The following ANO1 variants were observed in gnomAD, a reference collection of about 807,000 sequenced individuals.
The protein encoded by ANO1 is anoctamin-1.
ANO1 carries 59 observed loss-of-function variants against 124.0 expected under a neutral mutation model. The ratio of observed to expected loss-of-function variants is 0.48; its 90% CI spans 0.39 to 0.59. The LOEUF is 0.59. Among genes scored for constraint, ANO1 ranks in the 20% least tolerant of loss-of-function variants. ANO1 has a pLI of 0.00. For synonymous variants in ANO1, 529 were observed against 532.0 expected (o/e 0.99, Z 0.08); for missense variants, 1,059 against 1,328.0 (o/e 0.80, Z 3.15).
chr11:70,111,683 C>G (rs2045786138), intron 6 of ANO1, 24 bp from the exon 7 acceptor site: 1 of 1,613,636 alleles, frequency 6.2e-7, no homozygotes, highest in Admixed American at 1.7e-5. Flanking sequence ...GCCCCATAAC[C>G]TTCTCTCTGC....
intron 1 of ANO1, among the ~76,000 whole-genome samples, chr11:70,044,132 T>C (rs527815766): frequency 1.3e-5 from 2 of 152,160 alleles, no homozygotes; most frequent in Non-Finnish European, 2.9e-5. Context: ...TATACCATTA[T>C]AAGTTTACAA....
intron 1 of ANO1, among the ~76,000 whole-genome samples, chr11:70,009,231 A>G (rs1856547371): frequency 6.6e-6 from 1 of 152,216 alleles, no homozygotes; most frequent in Non-Finnish European, 1.5e-5. Context: ...AGCACGAGCC[A>G]AGACTAGCTG....
At chr11:70,056,217 C>T (rs1857432480) in intron 1 of ANO1, 1 of 152,040 alleles carries the variant, frequency 6.6e-6, no homozygotes, top group Non-Finnish European at 1.5e-5. Context: ...GAAATGAATT[C>T]TCTTAGTTTC....
upstream of ANO1, among the ~76,000 whole-genome samples, chr11:69,982,014 G>T (rs1163600868): frequency 6.6e-6 from 1 of 152,176 alleles, no homozygotes; most frequent in African/African-American, 2.4e-5. Flanking sequence ...GCCAATGGTT[G>T]CCAGGGACTG....
intron 1 of ANO1, chr11:70,056,571 A>G (rs1372153622): frequency 2.6e-5 from 4 of 152,170 alleles, no homozygotes; most frequent in Non-Finnish European, 5.9e-5. Context: ...AATAAATAAA[A>G]AGCTATGGAT....
chr11:70,085,651 G>C (rs2044344435), intron 1 of ANO1: 7 of 1,514,024 alleles, frequency 4.6e-6, no homozygotes, highest in Non-Finnish European at 6.2e-6. Flanking sequence ...CTAGACCCTT[G>C]ACATCAACAC....
chr11:70,056,580 A>G (rs1425101802), intron 1 of ANO1: 2 of 152,140 alleles, frequency 1.3e-5, no homozygotes, highest in Non-Finnish European at 2.9e-5. Context: ...AAAGCTATGG[A>G]TTGAAAAGGA....
intron 10 of ANO1, 102 bp downstream of exon 10, chr11:70,126,297 TC>T: frequency 7.1e-7 from 1 of 1,400,442 alleles, no homozygotes; most frequent in Non-Finnish European, 9.5e-7. Flanking sequence ...TCACACCAAT[TC>T]CTGTACACAT....
At chr11:69,972,318 G>A in the ANO1 span, among the ~76,000 whole-genome samples, 5 of 151,954 alleles carry the variant, frequency 3.3e-5, no homozygotes, top group Non-Finnish European at 7.4e-5. Context: ...GCCGTGTGTG[G>A]CTAGACTGTC....
chr11:69,995,815 G>A (rs1315661866), intron 1 of ANO1, among the ~76,000 whole-genome samples: 1 of 152,132 alleles, frequency 6.6e-6, no homozygotes, highest in Non-Finnish European at 1.5e-5. Flanking sequence ...TTGAAGTACT[G>A]GAGATTTCAG....
chr11:69,974,425 T>C, the ANO1 span, among the ~76,000 whole-genome samples: 1 of 152,238 alleles, frequency 6.6e-6, no homozygotes, highest in Non-Finnish European at 1.5e-5. Flanking sequence ...ATGTTCTCCA[T>C]GACAAACCTT....
intron 1 of ANO1, among the ~76,000 whole-genome samples, chr11:69,991,175 A>C (rs371234193): frequency 1.3e-5 from 2 of 152,210 alleles, no homozygotes; most frequent in African/African-American, 2.4e-5. Context: ...ATTCCTCTGC[A>C]TGTGAATATC....
chr11:70,049,969 C>T (rs546033152), intron 1 of ANO1, among the ~76,000 whole-genome samples: 1 of 152,348 alleles, frequency 6.6e-6, no homozygotes, highest in Admixed American at 6.5e-5. Flanking sequence ...GATCCACCCG[C>T]CTTGGCCTCC....
chr11:70,080,760 G>A (rs1290879463), intron 1 of ANO1, among the ~76,000 whole-genome samples: 9 of 152,244 alleles, frequency 5.9e-5, no homozygotes, highest in Admixed American at 4.6e-4. Flanking sequence ...TGTTTTGTGA[G>A]CTTGGAAGGC....
At chr11:70,010,171 G>GTATATATATATATATATATATA (rs1460218173) in intron 1 of ANO1, among the ~76,000 whole-genome samples, 6 of 50,272 alleles carry the variant, frequency 1.2e-4, no homozygotes, top group Admixed American at 4.4e-4. Context: ...GTGTGCGCGT[G>GTATATATATATATATATATATA]TGTGTGTGTA....
intron 1 of ANO1, among the ~76,000 whole-genome samples, chr11:70,072,185 C>T (rs1857887820): frequency 6.6e-6 from 1 of 152,148 alleles, no homozygotes; most frequent in South Asian, 2.1e-4. Flanking sequence ...GACAATTCCT[C>T]CACTGCTGGT....
At chr11:70,035,356 G>C (rs960102089) in intron 1 of ANO1, among the ~76,000 whole-genome samples, 1 of 152,086 alleles carries the variant, frequency 6.6e-6, no homozygotes, top group South Asian at 2.1e-4. Context: ...CTGCGCTGGC[G>C]AACTTTTCAC....
At chr11:70,092,384 G>C (rs982731307) in intron 2 of ANO1, among the ~76,000 whole-genome samples, 2 of 152,256 alleles carry the variant, frequency 1.3e-5, no homozygotes, top group Non-Finnish European at 2.9e-5. Context: ...GCACTGGGCA[G>C]GTAATCCTGG....
intron 16 of ANO1, among the ~76,000 whole-genome samples, chr11:70,159,101 C>T (rs931927329): frequency 1.3e-5 from 2 of 152,256 alleles, no homozygotes; most frequent in Non-Finnish European, 2.9e-5. Context: ...GGTCTGGTGG[C>T]CCCACGATGC....
Sources: allele counts gnomAD v4.1 joint callset (sites outside exome capture counted in the v4.1 genomes callset), GRCh38; gene constraint gnomAD v4.1.1; transcripts MANE v1.5; gene names NCBI Gene and HGNC (gene_info 2026-07-23, HGNC 2026-07-21).